BRAT1: variants seen among roughly 807,000 people sequenced by gnomAD.
BRAT1 encodes integrator complex assembly factor BRAT1.
Under a neutral mutation model 70.6 loss-of-function variants are expected in BRAT1, and 74 were observed. The ratio of observed to expected loss-of-function variants is 1.05; its 90% confidence interval spans 0.87 to 1.27. The LOEUF (loss-of-function observed/expected upper bound fraction) is 1.27, where lower values mean the gene tolerates loss of function less well. BRAT1 is among the 50% of genes most tolerant of loss of function. BRAT1 has a pLI of 0.00. For synonymous variants in BRAT1, 615 were observed against 517.1 expected (o/e 1.19, Z -2.57); for missense variants, 1,203 against 1,098.2 (o/e 1.10, Z -1.35).
At chr7:2,544,092 A>T in intron 4 of BRAT1, 130 bp from the exon 5 acceptor site, 2 of 713,118 alleles carry the variant, frequency 2.8e-6, no homozygotes, top group Non-Finnish European at 4.2e-6. Flanking sequence ...CTCTCCACTC[A>T]AAAGCAAAAA....
chr7:2,544,417 G>T (rs1779444383), intron 4 of BRAT1, among the ~76,000 whole-genome samples: 2 of 152,154 alleles, frequency 1.3e-5, no homozygotes, highest in East Asian at 1.9e-4. Context: ...GGCCAGGCTG[G>T]TCTTGAACTC....
Position 2,543,166 on chromosome 7 carries a change from A to G in BRAT1, c.923+38T>C, listed in dbSNP as rs770509866. ...AACCTCCCTGCCTGCCCCAGCTCCCAGCACCCGCCTCGGAATGAAATGCAC... is the reference window on the plus strand; with the variant it reads ...AACCTCCCTGCCTGCCCCAGCTCCCGGCACCCGCCTCGGAATGAAATGCAC... On this transcript the variant is annotated intron_variant, in intron 6 of 13. Transcript: ENST00000340611. This position sits in a 1 kb window ranked among gnomAD's most constrained non-coding sequence, Gnocchi z 5.5. The G allele has an allele frequency of 1.3e-5, 20 of 1,519,894 alleles. No homozygotes were observed. In the Admixed American group the frequency reaches 2.8e-4, roughly 22 times the overall value. 94.2% of individuals were successfully genotyped at this position (1,519,894 alleles called of 1,614,324 possible).
rs972064942 is a variant in BRAT1, at chr7:2,537,967, T to G, written c.*102A>C. On this transcript the variant is annotated 3_prime_UTR_variant, in exon 14 of 14. Coordinates refer to ENST00000340611, the MANE Select transcript of BRAT1 (RefSeq NM_152743.4). Reference sequence around the variant, plus strand: ...TCCTGGTCCTGGCTTCCCCAGAGGATCCACCGGGCTGGGCTGGAGCCCTGG... The same window carrying G: ...TCCTGGTCCTGGCTTCCCCAGAGGAGCCACCGGGCTGGGCTGGAGCCCTGG... 2.1e-6 allele frequency: 3 copies of G among 1,400,870 alleles called. No homozygotes were observed. In the African/African-American group the frequency reaches 4.3e-5, roughly 20 times the overall value. The allele number at this position is 1,400,870 out of a possible 1,614,324, so 86.8% of individuals were successfully genotyped here.
In BRAT1 at chr7:2,538,655, G is replaced by T; in HGVS notation, c.1880C>A (p.Ala627Glu). 1 of 1,598,302 alleles carries T rather than the reference G, an allele frequency of 6.3e-7. No homozygotes were observed. The highest frequency in any genetic ancestry group is 1.7e-4 in the Middle Eastern group (1 of 6,058). Residue 627 changes from alanine (A) to glutamate (E), a missense_variant, in exon 14 of 14, where the codon GCG becomes GAG. Transcript: ENST00000340611. ...TEWLRDGHAD[A>E]AQDTEQFVAT... ...CACGAACTGCTCCGTGTCCTGGGCC[G>T]CGTCGGCGTGGCCGTCCCGCAGCCA...
At chr7:2,547,551 C>T in intron 2 of BRAT1, 73 bp from the exon 3 acceptor site, 2 of 1,514,104 alleles carry the variant, frequency 1.3e-6, no homozygotes, top group South Asian at 2.3e-5. Flanking sequence ...CCGCTCTTCT[C>T]CTAGCAATTC....
In BRAT1 at chr7:2,541,356, G is replaced by C. The variant is rs568170755; in HGVS notation, c.1263C>G (p.Gly421=). Residue 421 remains glycine, a synonymous_variant, in exon 9 of 14, where the codon GGC becomes GGG. Coordinates refer to ENST00000340611, the MANE Select transcript of BRAT1 (RefSeq NM_152743.4). ...GGGCTGCTCGCTGGACCCGGACGCA[G>C]CCCGCCAGGGTCCCACAGAGGTGGC... is the stretch of plus-strand genomic sequence containing the variant. ...VGGHLCGTLA[G]CVRVQRAALD... is the part of the protein sequence containing the mutation. 37 of 1,606,182 alleles carry C rather than the reference G, an allele frequency of 2.3e-5. No homozygotes were observed. The South Asian group carries it at 3.3e-4, about 14-fold the overall frequency.
At position 2,543,717 on chromosome 7, in the gene BRAT1, C is replaced by T. The variant is rs757941515; in HGVS notation, c.676G>A (p.Gly226Arg). 1.8e-5 allele frequency: 28 copies of T among 1,584,888 alleles called. No homozygotes were observed. Among genetic ancestry groups the T allele is most frequent in the Middle Eastern group, 1.7e-4 (1 of 5,970 alleles). Residue 226 changes from glycine to arginine, a missense_variant, in exon 5 of 14, where the codon GGG (glycine) becomes AGG (arginine). Physicochemically the swap from Gly to Arg is moderately radical, Grantham distance 125. Transcript: ENST00000340611. This position sits in a 1 kb window ranked among gnomAD's most constrained non-coding sequence, Gnocchi z 5.5. ...TCCGTCCAGGGGCTCTGGCAGCGCC[C>T]GAAGGTCGTGGTCAGGACGTTCAGG... ...QALNVLTTTF[G>R]RCQSPWTEAL...
chr7:2,543,722 G>C lies in BRAT1; in HGVS notation c.671C>G (p.Thr224Ser), dbSNP rs1451927614. ...VTQALNVLTT[T>S]FGRCQSPWTE... ...CCAGGGGCTCTGGCAGCGCCCGAAG[G>C]TCGTGGTCAGGACGTTCAGGGCCTG... Residue 224 changes from threonine to serine, a missense_variant, in exon 5 of 14, where the codon ACC becomes AGC. Coordinates refer to ENST00000340611, the MANE Select transcript of BRAT1 (RefSeq NM_152743.4). The surrounding 1 kb of genome is among the most constrained non-coding windows in gnomAD (Gnocchi z 5.5). 1.9e-6 allele frequency: 3 copies of C among 1,590,152 alleles called. No homozygotes were observed.
At position 2,547,726 on chromosome 7, in the gene BRAT1, G is replaced by A. The variant is rs546892258; in HGVS notation, c.128-248C>T. 7.9e-5 allele frequency among the ~76,000 whole-genome samples: 12 copies of A among 152,296 alleles called. No homozygotes were observed. In the East Asian group the frequency reaches 2.3e-3, roughly 29 times the overall value. Reference sequence around the variant, plus strand: ...AACACTGTCACCTTTCACAACAGGTGAATGGCCAAAAATGCTGAAAAAATG... The same window carrying A: ...AACACTGTCACCTTTCACAACAGGTAAATGGCCAAAAATGCTGAAAAAATG... On this transcript the variant is annotated intron_variant, in intron 2 of 13. Transcript: ENST00000340611.
chr7:2,547,715 T>C (rs1472798005), intron 2 of BRAT1, among the ~76,000 whole-genome samples: 2 of 152,220 alleles, frequency 1.3e-5, no homozygotes, highest in Non-Finnish European at 2.9e-5. Context: ...CTGTCACCTT[T>C]CACAACAGGT....
intron 2 of BRAT1, among the ~76,000 whole-genome samples, chr7:2,552,781 C>T (rs1029816521): frequency 6.6e-5 from 10 of 151,770 alleles, no homozygotes; most frequent in Non-Finnish European, 1.2e-4. Context: ...CTCTGTCGCC[C>T]AGGCTGCAGT....
chr7:2,554,290 G>A lies in BRAT1; in HGVS notation c.127+15C>T. 1.2e-6 allele frequency: 2 copies of A among 1,612,478 alleles called. No homozygotes were observed. Among genetic ancestry groups the A allele is most frequent in the African/African-American group, 1.3e-5 (1 of 75,022 alleles). ...GTCTCTGGATAGGCAGTAAACAGCA[G>A]CACCACCTCCTTACCTCCTTCAGTG... On this transcript the variant is annotated intron_variant, in intron 2 of 13. Coordinates refer to ENST00000340611, the MANE Select transcript of BRAT1 (RefSeq NM_152743.4).
intron 2 of BRAT1, among the ~76,000 whole-genome samples, chr7:2,552,972 C>T (rs4721787): frequency 0.2 from 29,906 of 151,266 alleles, 3,969 homozygotes; most frequent in African/African-American, 0.38. Flanking sequence ...TCTTGATCTC[C>T]AGACCTCGTG....
chr7:2,539,807 G>T lies in BRAT1; in HGVS notation c.1477C>A (p.Leu493Ile). ...TTACCTCTGAGGAACTGCGGGATGA[G>T]GGGGCCGAGATCAGAGCAGCCGGGG... is the stretch of plus-strand genomic sequence containing the variant. ...KTPGCSDLGP[L>I]IPQFLRELFP... The change falls in exon 11 of 14, where the codon CTC (leucine) becomes ATC (isoleucine). Residue 493 changes from leucine (L) to isoleucine (I), a missense_variant. Leu to Ile is a conservative substitution (Grantham distance 5, BLOSUM62 2). Transcript: ENST00000340611. 6.2e-7 allele frequency: 1 copy of T among 1,611,936 alleles called. No individual in the cohort carries two copies. Among genetic ancestry groups the T allele is most frequent in the Non-Finnish European group, 8.5e-7 (1 of 1,179,174 alleles).
intron 2 of BRAT1, among the ~76,000 whole-genome samples, chr7:2,551,282 GAT>G (rs751783905): frequency 7.4e-5 from 11 of 148,990 alleles, no homozygotes; most frequent in Admixed American, 1.3e-4. Context: ...TCTATATATA[GAT>G]ATATATATAT....
intron 8 of BRAT1, 97 bp from the exon 9 acceptor site, chr7:2,541,581 A>G (rs1779168617): frequency 6.8e-7 from 1 of 1,464,480 alleles, no homozygotes; most frequent in East Asian, 2.5e-5. Context: ...GGGGGACATC[A>G]GCCAAGGTTG....
Position 2,539,270 on chromosome 7 carries a change from T to C in BRAT1, c.1679A>G (p.Tyr560Cys). 3 of 1,611,968 alleles carry C rather than the reference T, an allele frequency of 1.9e-6. No individual in the cohort carries two copies. The highest frequency in any genetic ancestry group is 2.5e-6 in the Non-Finnish European group (3 of 1,179,944). ...ALQLLQDPES[Y>C]VRASAVTAMG... is the part of the protein sequence containing the mutation. ...GGCGGTCACTGCACTCGCTCGGACA[T>C]AACTCTCAGGGTCCTGGAGGAGCTG... is the stretch of plus-strand genomic sequence containing the variant. Residue 560 changes from tyrosine (Y) to cysteine (C), a missense_variant, in exon 13 of 14, where the codon TAT (tyrosine) becomes TGT (cysteine). By Grantham distance (194) the Tyr-to-Cys change is radical. Transcript: ENST00000340611.
At position 2,543,441 on chromosome 7, in the gene BRAT1, C is replaced by A; in HGVS notation, c.804-118G>T. 1 of 1,484,862 alleles carries A rather than the reference C, an allele frequency of 6.7e-7. No individual in the cohort carries two copies. The highest frequency in any genetic ancestry group is 8.9e-7 in the Non-Finnish European group (1 of 1,121,346). The allele number at this position is 1,484,862 out of a possible 1,614,324, so 92.0% of individuals were successfully genotyped here. A position where few individuals can be genotyped will look rare whatever the true frequency, so the allele number is the denominator to read the frequency against. On this transcript the variant is annotated intron_variant, in intron 5 of 13. Transcript: ENST00000340611. The surrounding 1 kb of genome is among the most constrained non-coding windows in gnomAD (Gnocchi z 5.5). ...GCGCCCAGCCCAAGACAGGCCTTTC[C>A]CCATGAGGGTTCCAGGGTCACCCCG...
Position 2,543,828 on chromosome 7 carries a change from C to A in BRAT1, c.565G>T (p.Gly189Cys). The A allele has an allele frequency of 1.2e-6, 2 of 1,612,898 alleles. No homozygotes were observed. Among genetic ancestry groups the A allele is most frequent in the Non-Finnish European group, 1.7e-6 (2 of 1,179,892 alleles). The change falls in exon 5 of 14, where the codon GGT becomes TGT. Residue 189 changes from glycine to cysteine, a missense_variant. By Grantham distance (159) the Gly-to-Cys change is radical (BLOSUM62 -3). Transcript: ENST00000340611. The surrounding 1 kb of genome is among the most constrained non-coding windows in gnomAD (Gnocchi z 5.5). ...GAEGQPCLPG[G>C]DWPACAQKIM... ...TTCTGGGCACACGCGGGCCAGTCAC[C>A]CCCCGGCAGGCAGGGCTGCCCCTCG...
Sources: gnomAD v4.1 joint callset for allele counts (sites outside exome capture counted in the v4.1 genomes callset) on GRCh38, gnomAD v4.1.1 for gene constraint, Gnocchi (gnomAD v3.1) non-coding constraint, MANE v1.5 for transcripts, NCBI Gene and HGNC (gene_info 2026-07-23, HGNC 2026-07-21) for gene names.